The following DLG2 variants were observed in gnomAD, a reference collection of about 807,000 sequenced individuals.
DLG2 encodes the protein discs large MAGUK scaffold protein 2, also known as disks large homolog 2.
In DLG2, 45 loss-of-function variants were observed where a neutral mutation model predicts 132.5. The observed-to-expected ratio is 0.34, with a 90% CI of 0.27 to 0.44. The LOEUF (loss-of-function observed/expected upper bound fraction) is 0.44, where lower values mean the gene tolerates loss of function less well. Ranked by LOEUF, DLG2 falls within the 20% of genes least tolerant of loss-of-function variation. The pLI, the probability that DLG2 is intolerant of heterozygous loss-of-function variation, is 1.00. For synonymous variants in DLG2, 424 were observed against 419.6 expected (o/e 1.01, Z -0.13); for missense variants, 1,045 against 1,196.9 (o/e 0.87, Z 1.87).
At chr11:84,743,750 TC>T (rs940209493) in intron 6 of DLG2, among the ~76,000 whole-genome samples, 6 of 134,934 alleles carry the variant, frequency 4.4e-5, no homozygotes, top group African/African-American at 2.0e-4. Flanking sequence ...AATTTTCTTT[TC>T]TTTTTTTTTT....
intron 14 of DLG2, among the ~76,000 whole-genome samples, chr11:83,947,730 A>G (rs2084405317): frequency 6.6e-6 from 1 of 152,340 alleles, no homozygotes; most frequent in Admixed American, 6.5e-5. Context: ...CTGAGGCACA[A>G]AGAAGTTACA....
chr11:85,477,797 A>G (rs2093186374), intron 3 of DLG2, among the ~76,000 whole-genome samples: 1 of 152,244 alleles, frequency 6.6e-6, no homozygotes, highest in South Asian at 2.1e-4. Flanking sequence ...ACAGGATTAC[A>G]TCATAAGGAC....
At chr11:84,628,696 A>C (rs569140744) in intron 6 of DLG2, among the ~76,000 whole-genome samples, 340 of 152,286 alleles carry the variant, frequency 2.2e-3, no homozygotes, top group African/African-American at 7.6e-3. Context: ...CTTTCATGAC[A>C]ATCTATGTGA....
chr11:84,365,696 A>T (rs1248246658), intron 7 of DLG2, among the ~76,000 whole-genome samples: 1 of 151,684 alleles, frequency 6.6e-6, no homozygotes, highest in Non-Finnish European at 1.5e-5. Context: ...TGTCCCAGAG[A>T]TTCTGGTATG....
intron 6 of DLG2, among the ~76,000 whole-genome samples, chr11:85,038,982 A>T (rs1218089936): frequency 1.3e-5 from 2 of 152,056 alleles, no homozygotes; most frequent in African/African-American, 2.4e-5. Context: ...CCATAAAATT[A>T]CTGTAAAAAA....
intron 6 of DLG2, among the ~76,000 whole-genome samples, chr11:84,862,204 A>T (rs866371734): frequency 1.6e-4 from 24 of 152,176 alleles, no homozygotes; most frequent in Middle Eastern, 6.8e-3. Context: ...AATAAAAAAT[A>T]AAAAATAAAA....
intron 7 of DLG2, among the ~76,000 whole-genome samples, chr11:84,297,577 G>A (rs2098107751): frequency 6.6e-6 from 1 of 151,992 alleles, no homozygotes; most frequent in Non-Finnish European, 1.5e-5. Flanking sequence ...TCGGTTACAA[G>A]TACTGCAAAA....
At chr11:85,074,812 C>T (rs2066313183) in intron 6 of DLG2, among the ~76,000 whole-genome samples, 1 of 151,840 alleles carries the variant, frequency 6.6e-6, no homozygotes, top group Admixed American at 6.6e-5. Context: ...AGCCCTAGTA[C>T]ATGCATGAAA....
intron 12 of DLG2, among the ~76,000 whole-genome samples, chr11:83,968,363 G>A (rs1190322132): frequency 6.6e-6 from 1 of 152,132 alleles, no homozygotes; most frequent in South Asian, 2.1e-4. Flanking sequence ...TAAGCCGTAA[G>A]CTTCTCTAGC....
At chr11:85,432,068 C>A (rs1476405563) in intron 3 of DLG2, among the ~76,000 whole-genome samples, 1 of 152,148 alleles carries the variant, frequency 6.6e-6, no homozygotes, top group Admixed American at 6.5e-5. Context: ...ACCACAGCAG[C>A]CCTACCGAAG....
chr11:85,385,925 T>C (rs2086284968), intron 3 of DLG2, among the ~76,000 whole-genome samples: 1 of 152,210 alleles, frequency 6.6e-6, no homozygotes, highest in African/African-American at 2.4e-5. Flanking sequence ...CACCCCACAT[T>C]CCCTGAAAAC....
chr11:84,862,216 G>T (rs2083817085), intron 6 of DLG2, among the ~76,000 whole-genome samples: 2 of 151,858 alleles, frequency 1.3e-5, no homozygotes, highest in Admixed American at 6.6e-5. Flanking sequence ...AAAATAAAAA[G>T]AAAAGCTCAT....
At chr11:84,909,086 T>C (rs2091830741) in intron 6 of DLG2, among the ~76,000 whole-genome samples, 1 of 152,016 alleles carries the variant, frequency 6.6e-6, no homozygotes, top group Non-Finnish European at 1.5e-5. Flanking sequence ...TCCAGAAACC[T>C]GAAATTTCTT....
In DLG2 at chr11:85,382,701, G is replaced by A. The variant is rs60953118; in HGVS notation, c.41-97336C>T. On this transcript the variant is annotated intron_variant, in intron 3 of 27. Coordinates refer to ENST00000376104, the MANE Select transcript of DLG2 (RefSeq NM_001142699.3). ...AAATATTTGAACGGACAATTTGCCA[G>A]AGCAAATATACAAATGGCCAATAAG... is the stretch of plus-strand genomic sequence containing the variant. Among the ~76,000 whole-genome samples the A allele has an allele frequency of 8.6e-3, 1,303 of 152,198 alleles. 18 individuals are homozygous for A. The highest frequency in any genetic ancestry group is 0.03 in the African/African-American group (1,228 of 41,538).
At chr11:83,511,130 GCT>G (rs1438355495) in intron 21 of DLG2, among the ~76,000 whole-genome samples, 2 of 120,902 alleles carry the variant, frequency 1.7e-5, no homozygotes, top group Non-Finnish European at 3.7e-5. Flanking sequence ...TTCTATCTAT[GCT>G]GAATTCATAG....
intron 11 of DLG2, among the ~76,000 whole-genome samples, chr11:84,041,285 T>C (rs1014706616): frequency 1.3e-5 from 2 of 151,994 alleles, no homozygotes; most frequent in East Asian, 3.9e-4. Context: ...CATAGGCAGG[T>C]ACATATATAG....
chr11:84,751,670 G>A (rs923798294), intron 6 of DLG2, among the ~76,000 whole-genome samples: 3 of 152,084 alleles, frequency 2.0e-5, no homozygotes, highest in African/African-American at 7.2e-5. Flanking sequence ...AGAGGTAAAA[G>A]AACTTTTATT....
intron 15 of DLG2, among the ~76,000 whole-genome samples, chr11:83,901,722 C>G (rs187847953): frequency 9.2e-5 from 14 of 152,172 alleles, no homozygotes; most frequent in Admixed American, 6.5e-4. Flanking sequence ...TCTGACGGTA[C>G]TAATACAGTT....
At chr11:83,496,418 T>G (rs2094151809) in intron 21 of DLG2, among the ~76,000 whole-genome samples, 1 of 152,112 alleles carries the variant, frequency 6.6e-6, no homozygotes, top group African/African-American at 2.4e-5. Flanking sequence ...TTCTTGTAAA[T>G]GTAATCATAT....
Sources: allele counts gnomAD v4.1 joint callset (sites outside exome capture counted in the v4.1 genomes callset), GRCh38; gene constraint gnomAD v4.1.1; transcripts MANE v1.5; gene names NCBI Gene and HGNC (gene_info 2026-07-23, HGNC 2026-07-21).